Variants in PLA2G4A observed in about 807,000 individuals in gnomAD.
PLA2G4A encodes cytosolic phospholipase A2.
PLA2G4A carries 40 observed loss-of-function variants against 81.9 expected under a neutral mutation model. That is an observed-to-expected ratio of 0.49 (90% CI 0.38 to 0.64). PLA2G4A has a LOEUF of 0.64. Ranked by LOEUF, PLA2G4A falls within the 30% of genes least tolerant of loss-of-function variation. PLA2G4A has a pLI of 0.00. For missense variants in PLA2G4A, 715 were observed against 905.1 expected, an observed-to-expected ratio of 0.79 and a Z score of 2.69; for synonymous variants, 302 against 296.9, an observed-to-expected ratio of 1.02 and a Z score of -0.18.
At chr1:186,887,171 T>G (rs1400132205) in intron 3 of PLA2G4A, among the ~76,000 whole-genome samples, 1 of 152,040 alleles carries the variant, frequency 6.6e-6, no homozygotes, top group Non-Finnish European at 1.5e-5. Flanking sequence ...TGGGAGGACT[T>G]TCCCCTTTGG....
intron 1 of PLA2G4A, among the ~76,000 whole-genome samples, chr1:186,834,050 G>A (rs568385811): frequency 1.3e-5 from 2 of 152,024 alleles, no homozygotes; most frequent in South Asian, 2.1e-4. Context: ...GAAAAAAATC[G>A]GTATTTTAGG....
rs77243900 is a variant in PLA2G4A, at chr1:186,875,799, A to G, written c.115+5283A>G. ...TACTGTTTTATTCTCTCCTGCAAAG[A>G]GCTTTGGTTCCGATGTGGCATCCTC... On this transcript the variant is annotated intron_variant, in intron 3 of 17. Transcript: ENST00000367466. Among the ~76,000 whole-genome samples the G allele has an allele frequency of 5.4e-3, 825 of 152,132 alleles. 6 individuals carry two copies. Among genetic ancestry groups the G allele is most frequent in the African/African-American group, 0.019 (790 of 41,524 alleles).
chr1:186,850,070 A>G (rs1038719617), intron 1 of PLA2G4A, among the ~76,000 whole-genome samples: 7 of 152,154 alleles, frequency 4.6e-5, no homozygotes, highest in Non-Finnish European at 1.0e-4. Flanking sequence ...TTGCACTAGT[A>G]TTCTTCAAAT....
rs1358521797 is a variant in PLA2G4A, at chr1:186,857,074, A to T, written c.33+2687A>T. ...TGTGTCTGCCATGCAGCCCCCACAT[A>T]TATTATACATATATAATATATAATA... On this transcript the variant is annotated intron_variant, in intron 2 of 17. Coordinates refer to ENST00000367466, the MANE Select transcript of PLA2G4A (RefSeq NM_024420.3). Among the ~76,000 whole-genome samples the T allele has an allele frequency of 3.9e-4, 9 of 23,046 alleles. 3 individuals carry two copies. The highest frequency in any genetic ancestry group is 1.2e-3 in the Admixed American group (2 of 1,674). The allele number at this position is 23,046 out of a possible 152,430, so 15.1% of individuals were successfully genotyped here. A position where few individuals can be genotyped will look rare whatever the true frequency, so the allele number is the denominator to read the frequency against.
intron 5 of PLA2G4A, among the ~76,000 whole-genome samples, chr1:186,896,292 A>G (rs1654331184): frequency 6.6e-6 from 1 of 152,196 alleles, no homozygotes; most frequent in Admixed American, 6.5e-5. Flanking sequence ...ACACCTTAAG[A>G]AAAGAGCAGG....
At chr1:186,903,208 C>A (rs1654611066) in intron 5 of PLA2G4A, among the ~76,000 whole-genome samples, 1 of 150,686 alleles carries the variant, frequency 6.6e-6, no homozygotes, top group Non-Finnish European at 1.5e-5. Flanking sequence ...ATGATTGAAT[C>A]AATATGATGA....
Position 186,906,958 on chromosome 1 carries a change from T to A in PLA2G4A, c.379-7T>A, listed in dbSNP as rs756342762. On this transcript the variant is annotated splice_polypyrimidine_tract_variant and splice_region_variant and intron_variant, in intron 5 of 17. Transcript: ENST00000367466. The stretch of plus-strand genomic sequence containing the variant: ...TGACCTAATCTGATTAACATGTCTT[T>A]TTTTAGGTCACTGAAATGGTTCTAG... The A allele has an allele frequency of 6.9e-7, 1 of 1,455,870 alleles. No individual in the cohort carries two copies. Among genetic ancestry groups the A allele is most frequent in the Non-Finnish European group, 9.6e-7 (1 of 1,036,960 alleles). 90.2% of individuals were successfully genotyped at this position (1,455,870 alleles called of 1,614,324 possible).
At chr1:186,870,709 T>G in intron 3 of PLA2G4A, 193 bp downstream of exon 3, 16 of 1,491,258 alleles carry the variant, frequency 1.1e-5, no homozygotes, top group Middle Eastern at 1.8e-4. Context: ...GGCCTTAAAT[T>G]AGCCAAAGTG....
intron 7 of PLA2G4A, among the ~76,000 whole-genome samples, chr1:186,920,248 G>A (rs1050549199): frequency 2.0e-5 from 3 of 152,118 alleles, no homozygotes; most frequent in Non-Finnish European, 4.4e-5. Flanking sequence ...GGAGATGGTG[G>A]CTCTCAGCTT....
At chr1:186,871,359 G>A (rs1399213597) in intron 3 of PLA2G4A, among the ~76,000 whole-genome samples, 3 of 152,148 alleles carry the variant, frequency 2.0e-5, no homozygotes, top group African/African-American at 7.2e-5. Flanking sequence ...TGATGAATTT[G>A]ATAACATCTT....
chr1:186,907,446 G>A (rs1654781703), intron 6 of PLA2G4A, among the ~76,000 whole-genome samples: 1 of 152,128 alleles, frequency 6.6e-6, no homozygotes, highest in Non-Finnish European at 1.5e-5. Flanking sequence ...TGACCCAGCT[G>A]GACTACTGCT....
chr1:186,858,456 T>G (rs889995161), intron 2 of PLA2G4A, among the ~76,000 whole-genome samples: 1 of 152,160 alleles, frequency 6.6e-6, no homozygotes, highest in Non-Finnish European at 1.5e-5. Context: ...ATAGGGTTGT[T>G]TTTTTCTTGT....
At chr1:186,905,940 A>C (rs1428352143) in intron 5 of PLA2G4A, among the ~76,000 whole-genome samples, 1 of 152,188 alleles carries the variant, frequency 6.6e-6, no homozygotes, top group Non-Finnish European at 1.5e-5. Context: ...ACCTCCTTCT[A>C]GTCTGTGTTT....
At chr1:186,853,526 A>T (rs528607834) in intron 1 of PLA2G4A, among the ~76,000 whole-genome samples, 9 of 152,062 alleles carry the variant, frequency 5.9e-5, no homozygotes, top group South Asian at 2.1e-4. Flanking sequence ...CATATTAAAG[A>T]TAGATAATAA....
chr1:186,854,324 T>G lies in PLA2G4A; in HGVS notation c.-31T>G, dbSNP rs143655675. The G allele has an allele frequency of 3.0e-3, 4,137 of 1,393,608 alleles. 12 individuals carry two copies. The highest frequency in any genetic ancestry group is 8.0e-3 in the Middle Eastern group (45 of 5,644). The allele number at this position is 1,393,608 out of a possible 1,614,324, so 86.3% of individuals were successfully genotyped here. On this transcript the variant is annotated 5_prime_UTR_variant, in exon 2 of 18. Transcript: ENST00000367466. ...TAGAGTGCCAAAGAAGACTTTGAAGTGTGAAAACATTTCCTGTAATTGAAA... is the reference window on the plus strand; with the variant it reads ...TAGAGTGCCAAAGAAGACTTTGAAGGGTGAAAACATTTCCTGTAATTGAAA...
intron 7 of PLA2G4A, among the ~76,000 whole-genome samples, chr1:186,928,597 C>G (rs1160404942): frequency 6.6e-6 from 1 of 152,152 alleles, no homozygotes; most frequent in East Asian, 1.9e-4. Context: ...TATAATAAAT[C>G]TCTTTCTGTA....
intron 3 of PLA2G4A, among the ~76,000 whole-genome samples, chr1:186,880,009 G>A (rs541162686): frequency 6.6e-6 from 1 of 151,802 alleles, no homozygotes; most frequent in South Asian, 2.1e-4. Context: ...CCCACAACAG[G>A]CCCTGTGTAA....
At chr1:186,944,327 G>A (rs1656261902) in intron 10 of PLA2G4A, among the ~76,000 whole-genome samples, 1 of 152,112 alleles carries the variant, frequency 6.6e-6, no homozygotes. Context: ...GGGGTGCAGA[G>A]CTCATTTTAG....
At chr1:186,939,433 T>C (rs1015669024) in intron 9 of PLA2G4A, among the ~76,000 whole-genome samples, 1 of 151,992 alleles carries the variant, frequency 6.6e-6, no homozygotes, top group Non-Finnish European at 1.5e-5. Context: ...TACTAATTCA[T>C]TTCAATGATG....
Sources: allele counts gnomAD v4.1 joint callset (sites outside exome capture counted in the v4.1 genomes callset), GRCh38; gene constraint gnomAD v4.1.1; transcripts MANE v1.5; gene names NCBI Gene and HGNC (gene_info 2026-07-23, HGNC 2026-07-21).